The following IDO2 variants were observed in gnomAD, a reference collection of about 807,000 sequenced individuals.
IDO2 encodes indoleamine 2,3-dioxygenase-like 1 protein.
A neutral mutation model predicts 45.1 loss-of-function variants in IDO2; 46 were observed. The ratio of observed to expected loss-of-function variants is 1.02; its 90% CI spans 0.80 to 1.30. The LOEUF (loss-of-function observed/expected upper bound fraction) is 1.30, where lower values mean the gene tolerates loss of function less well. Among genes scored for constraint, IDO2 ranks in the 50% most tolerant of loss-of-function variants. The pLI, the probability that IDO2 is intolerant of heterozygous loss-of-function variation, is 0.00. For synonymous variants in IDO2, 218 were observed against 184.9 expected (o/e 1.18, Z -1.45); for missense variants, 544 against 491.8 (o/e 1.11, Z -1.00).
intron 2 of IDO2, among the ~76,000 whole-genome samples, chr8:39,960,272 T>G (rs1807971668): frequency 6.6e-6 from 1 of 152,154 alleles, no homozygotes; most frequent in South Asian, 2.1e-4. Flanking sequence ...TGATCTTCAC[T>G]CCCATCTGCT....
intron 2 of IDO2, among the ~76,000 whole-genome samples, chr8:39,957,361 C>A (rs1381629511): frequency 1.3e-5 from 2 of 152,028 alleles, no homozygotes; most frequent in Non-Finnish European, 2.9e-5. Flanking sequence ...CCTATAATTC[C>A]AGCATTTTGG....
chr8:39,947,171 C>CAA (rs55785952), intron 1 of IDO2, among the ~76,000 whole-genome samples: 4,354 of 79,574 alleles, frequency 0.055, 200 homozygotes, highest in African/African-American at 0.084. Context: ...GCTAAGGTAT[C>CAA]AAAAAAAAAA....
intron 9 of IDO2, among the ~76,000 whole-genome samples, chr8:40,011,907 C>A (rs1585423168): frequency 6.6e-6 from 1 of 152,144 alleles, no homozygotes; most frequent in Non-Finnish European, 1.5e-5. Context: ...GCAGCAGTAA[C>A]CTCTCCTTTC....
chr8:39,989,993 C>G (rs946561037), intron 8 of IDO2, among the ~76,000 whole-genome samples, 155 bp downstream of exon 8: 4 of 152,192 alleles, frequency 2.6e-5, no homozygotes, highest in Non-Finnish European at 5.9e-5. Flanking sequence ...AGGTTAAACA[C>G]ATATTATCTT....
chr8:40,004,875 C>G (rs934568891), intron 8 of IDO2, among the ~76,000 whole-genome samples: 2 of 152,320 alleles, frequency 1.3e-5, no homozygotes, highest in East Asian at 3.9e-4. Flanking sequence ...GCAAGGGACA[C>G]TTGCTCCGCT....
Position 39,960,150 on chromosome 8 carries a change from T to A in IDO2, c.100-3458T>A, listed in dbSNP as rs558993658. On this transcript the variant is annotated intron_variant, in intron 2 of 10. Coordinates refer to ENST00000502986, the Ensembl canonical transcript of IDO2. The stretch of plus-strand genomic sequence containing the variant: ...ACTCCAAATTTACAGTTTTCAGACT[T>A]CCCTGGGTTCTCATGGACCTTCCAT... 2.0e-5 allele frequency among the ~76,000 whole-genome samples: 3 copies of A among 152,290 alleles called. No individual in the cohort carries two copies. In the South Asian group the frequency reaches 6.2e-4, roughly 32 times the overall value.
rs371800428 is a variant in IDO2 at position 39,968,786 on chromosome 8, G to A, written c.195+5083G>A. ...GAGGGGCTTAAAACCTAGATGATGG[G>A]TTGACAGGCGCAGCAAACCACCATG... On this transcript the variant is annotated intron_variant, in intron 3 of 10. Transcript: ENST00000502986. 4.0e-5 allele frequency among the ~76,000 whole-genome samples: 6 copies of A among 151,892 alleles called. No individual in the cohort carries two copies. In the East Asian group the frequency reaches 7.7e-4, roughly 20 times the overall value.
intron 4 of IDO2, among the ~76,000 whole-genome samples, chr8:39,981,464 G>A (rs1808350968): frequency 6.6e-6 from 1 of 152,036 alleles, no homozygotes; most frequent in Admixed American, 6.6e-5. Context: ...CCTAAATTGG[G>A]GTTTGGGGGA....
chr8:40,009,485 C>G (rs1563442879), intron 9 of IDO2, among the ~76,000 whole-genome samples: 2 of 150,508 alleles, frequency 1.3e-5, no homozygotes, highest in African/African-American at 4.9e-5. Context: ...TAAAACTTCT[C>G]ATTTTCTTGG....
In IDO2 at chr8:40,013,733, T is replaced by C; in HGVS notation, c.868+20T>C. 1 of 1,581,688 alleles carries C rather than the reference T, an allele frequency of 6.3e-7. No homozygotes were observed. The highest frequency in any genetic ancestry group is 8.6e-7 in the Non-Finnish European group (1 of 1,161,530). On this transcript the variant is annotated intron_variant, in intron 10 of 10. Coordinates refer to ENST00000502986, the Ensembl canonical transcript of IDO2. ...AAAGTGGTAAGTCAGACATTTTGTT[T>C]TCCCTTGAGAGTAGAGGGAGGAAGA...
rs1389352409 is a variant in IDO2, at chr8:39,936,185, CTCTATTTTACAAGGTCA to C, written c.-18+983_-18+999del. On this transcript the variant is annotated intron_variant, in intron 1 of 10. Transcript: ENST00000502986. Reference sequence around the variant, plus strand: ...GATTTATTCTACCTAAAGGATCTGGCTCTATTTTACAAGGTCATCTATTTTACAAGGTACTGTAGATG... The same window carrying C: ...GATTTATTCTACCTAAAGGATCTGGCTCTATTTTACAAGGTACTGTAGATG... 7.9e-5 allele frequency among the ~76,000 whole-genome samples: 12 copies of C among 152,186 alleles called. No individual in the cohort carries two copies. In the East Asian group the frequency reaches 2.3e-3, roughly 29 times the overall value.
intron 3 of IDO2, among the ~76,000 whole-genome samples, chr8:39,968,974 G>T (rs930932625): frequency 6.6e-6 from 1 of 151,838 alleles, no homozygotes; most frequent in Non-Finnish European, 1.5e-5. Flanking sequence ...AGTAGGGAAA[G>T]GAACGGACTT....
rs78506470 is a variant in IDO2 at position 39,949,315 on chromosome 8, T to A, written c.99+51T>A. On this transcript the variant is annotated intron_variant, in intron 2 of 10. Coordinates refer to ENST00000502986, the Ensembl canonical transcript of IDO2. Reference sequence around the variant, plus strand: ...AGGTCAGAATATGTTTCTTGAGATGTTGGTTGGTTTGTTTTTTAAAAATGT... The same window carrying A: ...AGGTCAGAATATGTTTCTTGAGATGATGGTTGGTTTGTTTTTTAAAAATGT... 5.0e-4 allele frequency: 698 copies of A among 1,406,594 alleles called. 8 individuals are homozygous for A. In the African/African-American group the frequency reaches 9.0e-3, roughly 18 times the overall value. 87.1% of individuals were successfully genotyped at this position (1,406,594 alleles called of 1,614,324 possible).
chr8:40,006,325 T>C (rs763696399), intron 9 of IDO2, among the ~76,000 whole-genome samples: 3 of 152,172 alleles, frequency 2.0e-5, no homozygotes, highest in Non-Finnish European at 2.9e-5. Context: ...TTGCGTTAGG[T>C]GATTTTGCCC....
rs1229587423 is a variant in IDO2, at chr8:39,939,187, G to C, written c.-18+3969G>C. ...GAACCCAGGAGGTGGAGGTTGCAGT[G>C]AGCCGAGATGGCGCCACTGCACTCT... is the stretch of plus-strand genomic sequence containing the variant. On this transcript the variant is annotated intron_variant, in intron 1 of 10. Transcript: ENST00000502986. Among the ~76,000 whole-genome samples the C allele has an allele frequency of 4.7e-5, 7 of 147,722 alleles. No individual in the cohort carries two copies. The South Asian group carries it at 1.5e-3, about 32-fold the overall frequency.
At chr8:40,012,778 AGAG>A (rs1277820628) in intron 9 of IDO2, among the ~76,000 whole-genome samples, 1 of 152,220 alleles carries the variant, frequency 6.6e-6, no homozygotes. Context: ...GGAATGGAGG[AGAG>A]GAGAACAGCT....
intron 2 of IDO2, among the ~76,000 whole-genome samples, chr8:39,957,266 A>G (rs75831033): frequency 0.014 from 2,101 of 151,878 alleles, 62 homozygotes; most frequent in African/African-American, 0.048. Flanking sequence ...CCTTATTTCC[A>G]TTCCTGTTCA....
At chr8:40,006,779 G>A (rs1802228859) in intron 9 of IDO2, among the ~76,000 whole-genome samples, 1 of 152,032 alleles carries the variant, frequency 6.6e-6, no homozygotes, top group Non-Finnish European at 1.5e-5. Flanking sequence ...TCCTGCCTCA[G>A]CCTCCCGAGT....
intron 1 of IDO2, among the ~76,000 whole-genome samples, chr8:39,946,918 G>C (rs1351377069): frequency 1.3e-5 from 2 of 152,062 alleles, no homozygotes; most frequent in Admixed American, 6.5e-5. Context: ...CCAGCACTTT[G>C]GGAGGCCAAG....
Sources: allele counts gnomAD v4.1 joint callset (sites outside exome capture counted in the v4.1 genomes callset), GRCh38; gene constraint gnomAD v4.1.1; transcripts MANE v1.5; gene names NCBI Gene and HGNC (gene_info 2026-07-23, HGNC 2026-07-21).